Variants in KAZN observed in about 807,000 individuals in gnomAD.
KAZN encodes kazrin.
A neutral mutation model predicts 87.4 loss-of-function variants in KAZN; 40 were observed. The observed-to-expected ratio is 0.46, with a 90% CI of 0.36 to 0.60. The LOEUF is 0.60. KAZN is among the 20% of genes least tolerant of loss of function. KAZN has a pLI of 0.00. For synonymous variants in KAZN, 466 were observed against 458.3 expected, an observed-to-expected ratio of 1.02 and a Z score of -0.22; for missense variants, 898 against 1,073.9, an observed-to-expected ratio of 0.84 and a Z score of 2.29.
At chr1:14,891,284 T>A (rs1572746386) in intron 1 of KAZN, among the ~76,000 whole-genome samples, 1 of 152,124 alleles carries the variant, frequency 6.6e-6, no homozygotes, top group Non-Finnish European at 1.5e-5. Context: ...CTGAACCCAA[T>A]TTGTAGTCTT....
At chr1:14,131,143 T>C (rs539565989) in intron 1 of KAZN, among the ~76,000 whole-genome samples, 1 of 152,232 alleles carries the variant, frequency 6.6e-6, no homozygotes, top group African/African-American at 2.4e-5. Flanking sequence ...AGCTGTACAC[T>C]TTCAAACAGC....
rs143061269 is a variant in KAZN at position 14,003,874 on chromosome 1, A to G, written c.91+110118A>G. Among the ~76,000 whole-genome samples, 6 of 152,330 alleles carry G rather than the reference A, an allele frequency of 3.9e-5. No individual in the cohort carries two copies. The East Asian group carries it at 9.6e-4, about 24-fold the overall frequency. On this transcript the variant is annotated intron_variant, in intron 1 of 16. Coordinates refer to the KAZN transcript ENST00000636203. ...CCATAACGAAAAAAGGAACTGGTAA[A>G]TAGGACTACATTAAAATTGAGAGCT...
intron 2 of KAZN, among the ~76,000 whole-genome samples, chr1:14,375,403 G>A (rs969932825): frequency 2.6e-5 from 4 of 152,114 alleles, no homozygotes; most frequent in East Asian, 1.9e-4. Context: ...ACCCAAGCCC[G>A]AGATAAAATA....
intron 2 of KAZN, among the ~76,000 whole-genome samples, chr1:14,548,256 T>C (rs1203110328): frequency 6.7e-6 from 1 of 149,772 alleles, no homozygotes; most frequent in East Asian, 2.0e-4. Context: ...TGGAGTGCAG[T>C]GGTGCGATCT....
intron 2 of KAZN, among the ~76,000 whole-genome samples, chr1:14,395,289 G>A (rs1662802076): frequency 6.6e-6 from 1 of 152,192 alleles, no homozygotes; most frequent in African/African-American, 2.4e-5. Flanking sequence ...TGTTGTCACT[G>A]TTTATTGTTA....
chr1:14,119,290 C>T (rs576807376), intron 1 of KAZN, among the ~76,000 whole-genome samples: 1 of 152,172 alleles, frequency 6.6e-6, no homozygotes, highest in South Asian at 2.1e-4. Flanking sequence ...CATCCGTAGA[C>T]TTTTATCGGG....
intron 1 of KAZN, among the ~76,000 whole-genome samples, chr1:14,133,302 G>A (rs140664277): frequency 0.099 from 14,586 of 147,558 alleles, 954 homozygotes; most frequent in Middle Eastern, 0.16. Context: ...GGGAGGCAGA[G>A]GTTGCAGTGA....
intron 2 of KAZN, among the ~76,000 whole-genome samples, chr1:14,437,310 T>C (rs1666451149): frequency 6.6e-6 from 1 of 152,192 alleles, no homozygotes; most frequent in Non-Finnish European, 1.5e-5. Flanking sequence ...CTGGGGCATA[T>C]TTACAGCAAT....
chr1:14,345,998 C>T (rs1658078264), intron 2 of KAZN, among the ~76,000 whole-genome samples: 1 of 152,158 alleles, frequency 6.6e-6, no homozygotes, highest in East Asian at 1.9e-4. Flanking sequence ...ATATTTGTGT[C>T]ATTTCGATAA....
At chr1:14,296,693 T>A (rs1056072317) in intron 2 of KAZN, among the ~76,000 whole-genome samples, 1 of 139,954 alleles carries the variant, frequency 7.1e-6, no homozygotes, top group Non-Finnish European at 1.5e-5. Flanking sequence ...TGTAGTACAG[T>A]GGCATGATCG....
chr1:14,740,396 T>G (rs544522093), intron 1 of KAZN, among the ~76,000 whole-genome samples: 1 of 152,182 alleles, frequency 6.6e-6, no homozygotes, highest in Admixed American at 6.5e-5. Flanking sequence ...ATGCACAAAC[T>G]ATGATGCTTT....
At chr1:14,913,917 A>G (rs1657516889) in intron 1 of KAZN, among the ~76,000 whole-genome samples, 1 of 152,078 alleles carries the variant, frequency 6.6e-6, no homozygotes, top group African/African-American at 2.4e-5. Flanking sequence ...CTGCATTTGG[A>G]CTCTGGGTGC....
At chr1:14,016,173 C>G (rs192217389) in intron 1 of KAZN, among the ~76,000 whole-genome samples, 1 of 152,080 alleles carries the variant, frequency 6.6e-6, no homozygotes, top group Non-Finnish European at 1.5e-5. Context: ...TCCCAATGCA[C>G]GAAGCATTGC....
At chr1:14,536,632 A>G (rs1672518461) in intron 2 of KAZN, among the ~76,000 whole-genome samples, 1 of 152,156 alleles carries the variant, frequency 6.6e-6, no homozygotes, top group Non-Finnish European at 1.5e-5. Flanking sequence ...CTGTAATCCC[A>G]ACACTTTGGG....
intron 1 of KAZN, among the ~76,000 whole-genome samples, chr1:14,704,823 T>C (rs978996285): frequency 5.9e-5 from 9 of 152,180 alleles, no homozygotes; most frequent in African/African-American, 1.7e-4. Flanking sequence ...AAGTTACCCA[T>C]TGCCCTGGCT....
rs60444554 is a variant in KAZN at position 13,935,900 on chromosome 1, G to GTGTGTGTGTGTGTGTA, written c.91+42145_91+42146insGTGTGTGTGTGTGTAT. Reference sequence around the variant, plus strand: ...TGTGTGTGTGTGTGTGTGTGTGTGTGTAGAATCAGATAAATTATTTAATAT... The same window carrying GTGTGTGTGTGTGTGTA: ...TGTGTGTGTGTGTGTGTGTGTGTGTGTGTGTGTGTGTGTGTATAGAATCAGATAAATTATTTAATAT... On this transcript the variant is annotated intron_variant, in intron 1 of 16. Transcript: ENST00000636203. 2.1e-5 allele frequency among the ~76,000 whole-genome samples: 3 copies of GTGTGTGTGTGTGTGTA among 141,392 alleles called. 1 individual carries two copies. The highest frequency in any genetic ancestry group is 2.0e-4 in the East Asian group (1 of 4,930). 92.8% of individuals were successfully genotyped at this position (141,392 alleles called of 152,430 possible). A position where few individuals can be genotyped will look rare whatever the true frequency, so the allele number is the denominator to read the frequency against.
At position 14,302,866 on chromosome 1, in the gene KAZN, G is replaced by A. The variant is rs142357182; in HGVS notation, c.249+122274G>A. Among the ~76,000 whole-genome samples the A allele has an allele frequency of 5.1e-3, 771 of 152,290 alleles. 9 individuals carry two copies. Among genetic ancestry groups the A allele is most frequent in the African/African-American group, 0.018 (735 of 41,558 alleles). Reference sequence around the variant, plus strand: ...CTTGTTTTGTTTAAGGTTGAGCGACGTGAGTTGTAAGAAGGATGGTTTGAT... The same window carrying A: ...CTTGTTTTGTTTAAGGTTGAGCGACATGAGTTGTAAGAAGGATGGTTTGAT... On this transcript the variant is annotated intron_variant, in intron 2 of 16. Transcript: ENST00000636203.
rs533651299 is a variant in KAZN at position 14,868,000 on chromosome 1, C to T, written c.227-92684C>T. On this transcript the variant is annotated intron_variant, in intron 1 of 14. Coordinates refer to ENST00000376030, the MANE Select transcript of KAZN (RefSeq NM_201628.3). ...CATATGCAGGCATTGGATACACAGG[C>T]ATCACAAACGTGGGCATCACACAGG... Among the ~76,000 whole-genome samples the T allele has an allele frequency of 8.3e-4, 56 of 67,158 alleles. 1 individual carries two copies. Among genetic ancestry groups the T allele is most frequent in the African/African-American group, 2.1e-3 (54 of 25,138 alleles). 44.1% of individuals were successfully genotyped at this position (67,158 alleles called of 152,430 possible).
At chr1:14,463,607 T>C (rs116095918) in intron 2 of KAZN, among the ~76,000 whole-genome samples, 289 of 152,318 alleles carry the variant, frequency 1.9e-3, no homozygotes, top group African/African-American at 6.7e-3. Context: ...TTCCTTTTAA[T>C]TATACTCTCT....
Sources: gnomAD v4.1 joint callset for allele counts (sites outside exome capture counted in the v4.1 genomes callset) on GRCh38, gnomAD v4.1.1 for gene constraint, MANE v1.5 for transcripts, NCBI Gene and HGNC (gene_info 2026-07-23, HGNC 2026-07-21) for gene names.